Variants in COQ2 observed in about 807,000 individuals in gnomAD.
The protein encoded by COQ2 is coenzyme Q2, polyprenyltransferase.
In COQ2, 25 loss-of-function variants were observed where a neutral mutation model predicts 35.7. The ratio of observed to expected loss-of-function variants is 0.70; its 90% CI spans 0.51 to 0.98. The LOEUF (loss-of-function observed/expected upper bound fraction) is 0.98, where lower values mean the gene tolerates loss of function less well. Ranked by LOEUF, COQ2 falls within the 50% of genes least tolerant of loss-of-function variation. COQ2 has a pLI of 0.00. For missense variants in COQ2, 488 were observed against 473.5 expected (o/e 1.03, Z -0.28); for synonymous variants, 206 against 186.2 (o/e 1.11, Z -0.86).
chr4:83,272,078 TA>T lies in COQ2; in HGVS notation c.628+8del. On this transcript the variant is annotated splice_region_variant and intron_variant, in intron 4 of 6. Coordinates refer to ENST00000647002, the MANE Select transcript of COQ2 (RefSeq NM_001358921.2). ...TCAAAGGAAATACTTTTAGTTATTG[TA>T]AGCTCACCCAAGGCTAGTTGAGGCC... 1.3e-6 allele frequency: 2 copies of T among 1,572,936 alleles called. No individual in the cohort carries two copies. Among genetic ancestry groups the T allele is most frequent in the South Asian group, 1.2e-5 (1 of 86,862 alleles).
intron 6 of COQ2, 149 bp from the exon 7 acceptor site, chr4:83,264,512 C>G (rs899302603): frequency 7.0e-5 from 84 of 1,198,982 alleles, no homozygotes; most frequent in Non-Finnish European, 8.8e-5. Flanking sequence ...AGGCACATGC[C>G]TGTAGTCCCA....
chr4:83,284,687 GC>G lies in COQ2; in HGVS notation c.77del (p.Gly26AlafsTer96). On this transcript the variant is annotated frameshift_variant, in exon 1 of 7. Coordinates refer to ENST00000647002, the MANE Select transcript of COQ2 (RefSeq NM_001358921.2). LOFTEE classifies it high-confidence loss of function. ...VALAWLPGWR[G>X]RSFALARAAG... ...CCGCACGCGCCAGGGCGAAGGAGCG[GC>G]CCCGCCAGCCCGGCAGCCACGCCAG... 6.8e-7 allele frequency: 1 copy of G among 1,472,236 alleles called. No individual in the cohort carries two copies. 91.2% of individuals were successfully genotyped at this position (1,472,236 alleles called of 1,614,324 possible). A position where few individuals can be genotyped will look rare whatever the true frequency, so the allele number is the denominator to read the frequency against.
chr4:83,279,487 T>C (rs1246317746), intron 1 of COQ2, among the ~76,000 whole-genome samples: 5 of 151,992 alleles, frequency 3.3e-5, no homozygotes, highest in African/African-American at 4.8e-5. Flanking sequence ...CTCTAGGGAG[T>C]TGAATACTCT....
rs867950514 is a variant in COQ2, at chr4:83,273,410, T to C, written c.542+86A>G. 31 of 1,405,406 alleles carry C rather than the reference T, an allele frequency of 2.2e-5. No individual in the cohort carries two copies. In the Middle Eastern group the frequency reaches 2.0e-3, roughly 91 times the overall value. The allele number at this position is 1,405,406 out of a possible 1,614,324, so 87.1% of individuals were successfully genotyped here. A position where few individuals can be genotyped will look rare whatever the true frequency, so the allele number is the denominator to read the frequency against. On this transcript the variant is annotated intron_variant, in intron 3 of 6. Transcript: ENST00000647002. ...CTTAATAAGTAGCAAATGAACAACTTTGTGATAAAGATATTTCATTTTATT... is the reference window on the plus strand; with the variant it reads ...CTTAATAAGTAGCAAATGAACAACTCTGTGATAAAGATATTTCATTTTATT...
Position 83,264,136 on chromosome 4 carries a change from G to A in COQ2, c.*63C>T. The A allele has an allele frequency of 1.2e-6, 1 of 855,870 alleles. No homozygotes were observed. The highest frequency in any genetic ancestry group is 3.0e-5 in the East Asian group (1 of 33,220). The allele number at this position is 855,870 out of a possible 1,614,324, so 53.0% of individuals were successfully genotyped here. A position where few individuals can be genotyped will look rare whatever the true frequency, so the allele number is the denominator to read the frequency against. On this transcript the variant is annotated 3_prime_UTR_variant, in exon 7 of 7. Transcript: ENST00000647002. Reference sequence around the variant, plus strand: ...TCTTTAACATATTGTATCAGATTTTGTATTCAAATCTAATTATATTTTGTA... The same window carrying A: ...TCTTTAACATATTGTATCAGATTTTATATTCAAATCTAATTATATTTTGTA...
At position 83,267,629 on chromosome 4, in the gene COQ2, T is replaced by C. The variant is rs769601361; in HGVS notation, c.908A>G (p.Tyr303Cys). 11 of 1,585,398 alleles carry C rather than the reference T, an allele frequency of 6.9e-6. No homozygotes were observed. The highest frequency in any genetic ancestry group is 9.4e-6 in the Non-Finnish European group (11 of 1,165,972). Residue 303 changes from tyrosine (Y) to cysteine (C), a missense_variant, in exon 6 of 7, where the codon TAC (tyrosine) becomes TGC (cysteine). Tyr to Cys is a radical substitution (Grantham distance 194, BLOSUM62 -2). Coordinates refer to ENST00000647002, the MANE Select transcript of COQ2 (RefSeq NM_001358921.2). Reference sequence around the variant, plus strand: ...TCCTACAGCACCCAGGGCAGCGTAGTAGGGAGCAGTCTGTCCACTGTTCAC... The same window carrying C: ...TCCTACAGCACCCAGGGCAGCGTAGCAGGGAGCAGTCTGTCCACTGTTCAC... ...VGVNSGQTAP[Y>C]YAALGAVGAH... is the part of the protein sequence containing the mutation.
chr4:83,282,565 C>T, intron 1 of COQ2: 1 of 935,064 alleles, frequency 1.1e-6, no homozygotes, highest in Non-Finnish European at 1.3e-6. Flanking sequence ...AGGCTGGTAT[C>T]TTCCAAACAT....
chr4:83,265,451 G>A (rs183490060), intron 6 of COQ2, among the ~76,000 whole-genome samples: 47 of 152,080 alleles, frequency 3.1e-4, no homozygotes, highest in African/African-American at 1.1e-3. Context: ...GTGTGCCTGT[G>A]ATCCCAGCTA....
Position 83,264,334 on chromosome 4 carries a change from C to G in COQ2, c.981G>C (p.Glu327Asp), listed in dbSNP as rs925204280. Reference protein sequence around the residue: ...QIYTLDIHRPEDCWNKFISNR... With the variant: ...QIYTLDIHRPDDCWNKFISNR... ...TGGAGATAAATTTATTCCAACAATC[C>G]TCAGGTCTGTGGATGTCTAGAGTGT... Residue 327 changes from glutamate (E) to aspartate (D), a missense_variant, in exon 7 of 7, where the codon GAG becomes GAC. Transcript: ENST00000647002. The G allele has an allele frequency of 3.1e-6, 5 of 1,611,956 alleles. No individual in the cohort carries two copies. The African/African-American group carries it at 5.4e-5, about 17-fold the overall frequency.
chr4:83,276,005 T>C (rs1220436918), intron 2 of COQ2, among the ~76,000 whole-genome samples: 5 of 71,604 alleles, frequency 7.0e-5, no homozygotes, highest in Admixed American at 1.9e-4. Flanking sequence ...ATATAGAATA[T>C]ATATTATATA....
At chr4:83,276,956 A>G (rs1735199050) in intron 2 of COQ2, among the ~76,000 whole-genome samples, 1 of 144,554 alleles carries the variant, frequency 6.9e-6, no homozygotes, top group African/African-American at 2.5e-5. Context: ...TCAAAACCAC[A>G]TGTTCTCACT....
chr4:83,280,866 G>A (rs1735304373), intron 1 of COQ2, among the ~76,000 whole-genome samples: 1 of 152,286 alleles, frequency 6.6e-6, no homozygotes, highest in Middle Eastern at 3.4e-3. Flanking sequence ...TAATATTTAC[G>A]GAGTGCTCAC....
upstream of COQ2, chr4:83,285,023 G>T (rs1383422039): frequency 5.1e-6 from 4 of 782,228 alleles, no homozygotes; most frequent in East Asian, 1.3e-4. Flanking sequence ...ACTCGATCTT[G>T]ATTGACTTTG....
chr4:83,277,293 T>C (rs1735205348), intron 2 of COQ2, among the ~76,000 whole-genome samples: 1 of 152,214 alleles, frequency 6.6e-6, no homozygotes, highest in East Asian at 1.9e-4. Flanking sequence ...ACTCTTCTAC[T>C]ACACCCCATA....
rs758531475 is a variant in COQ2, at chr4:83,284,597, G to A, written c.168C>T (p.Leu56=). The A allele has an allele frequency of 2.6e-6, 4 of 1,539,558 alleles. No homozygotes were observed. Among genetic ancestry groups the A allele is most frequent in the South Asian group, 2.4e-5 (2 of 83,142 alleles). Residue 56 remains leucine, a synonymous_variant, in exon 1 of 7, where the codon CTC becomes CTT. Transcript: ENST00000647002. Reference sequence around the variant, plus strand: ...CCACCACCGCCGCCGCGGACAAACTGAGCTGGCGCCCGCGCGGCTCGGGAC... The same window carrying A: ...CCACCACCGCCGCCGCGGACAAACTAAGCTGGCGCCCGCGCGGCTCGGGAC... ...PACPEPRGRQ[L]SLSAAAVVDS... is the part of the protein sequence containing the mutation.
intron 6 of COQ2, chr4:83,267,331 T>C (rs1026669559): frequency 3.6e-5 from 15 of 419,546 alleles, no homozygotes; most frequent in South Asian, 1.5e-4. Flanking sequence ...GAGCTGTGAT[T>C]GCACCACTGC....
chr4:83,264,538 G>A (rs954429388), intron 6 of COQ2, among the ~76,000 whole-genome samples, 175 bp from the exon 7 acceptor site: 2 of 152,168 alleles, frequency 1.3e-5, no homozygotes, highest in Non-Finnish European at 2.9e-5. Context: ...TCAAGAGGCT[G>A]AGGTGGGAGG....
intron 2 of COQ2, among the ~76,000 whole-genome samples, chr4:83,277,606 C>A (rs1484647708): frequency 6.6e-6 from 1 of 152,128 alleles, no homozygotes; most frequent in Non-Finnish European, 1.5e-5. Flanking sequence ...TGTATTTCAT[C>A]GATGCAATCC....
At position 83,284,626 on chromosome 4, in the gene COQ2, C is replaced by T; in HGVS notation, c.139G>A (p.Ala47Thr). ...TGGCGCCCGCGCGGCTCGGGACAGGCGGGGGGCTGCAAGTCACCACCGTGG... is the reference window on the plus strand; with the variant it reads ...TGGCGCCCGCGCGGCTCGGGACAGGTGGGGGGCTGCAAGTCACCACCGTGG... ...APHGGDLQPPACPEPRGRQLS... is the reference protein window; with the variant it reads ...APHGGDLQPPTCPEPRGRQLS... The change falls in exon 1 of 7, where the codon GCC becomes ACC. Residue 47 changes from alanine to threonine, a missense_variant. Coordinates refer to ENST00000647002, the MANE Select transcript of COQ2 (RefSeq NM_001358921.2). The T allele has an allele frequency of 6.6e-7, 1 of 1,514,618 alleles. No individual in the cohort carries two copies. The highest frequency in any genetic ancestry group is 8.8e-7 in the Non-Finnish European group (1 of 1,133,090). The allele number at this position is 1,514,618 out of a possible 1,614,324, so 93.8% of individuals were successfully genotyped here.
Sources: gnomAD v4.1 joint callset for allele counts (sites outside exome capture counted in the v4.1 genomes callset) on GRCh38, gnomAD v4.1.1 for gene constraint, MANE v1.5 for transcripts, NCBI Gene and HGNC (gene_info 2026-07-23, HGNC 2026-07-21) for gene names.